Variants in FRMPD1 observed in about 807,000 individuals in gnomAD.
FRMPD1 encodes the protein FERM and PDZ domain-containing protein 1.
A neutral mutation model predicts 117.8 loss-of-function variants in FRMPD1; 76 were observed. That is an observed-to-expected ratio of 0.65 (90% CI 0.54 to 0.78). FRMPD1 has a LOEUF of 0.78. Ranked by LOEUF, FRMPD1 falls within the 30% of genes least tolerant of loss-of-function variation. FRMPD1 has a pLI of 0.00. For missense variants in FRMPD1, 1,786 were observed against 1,964.5 expected (o/e 0.91, Z 1.72); for synonymous variants, 783 against 770.4 (o/e 1.02, Z -0.27).
chr9:37,737,345 T>C (rs930790007), intron 14 of FRMPD1, 102 bp downstream of exon 14: 4 of 992,922 alleles, frequency 4.0e-6, no homozygotes, highest in African/African-American at 1.6e-5. Context: ...GAGCCGAGGC[T>C]TCAGCTCAAG....
chr9:37,678,514 G>A (rs2117901951), intron 1 of FRMPD1, among the ~76,000 whole-genome samples: 1 of 152,108 alleles, frequency 6.6e-6, no homozygotes, highest in African/African-American at 2.4e-5. Flanking sequence ...ACCTACCTCA[G>A]CCTCCCAAAG....
chr9:37,717,313 A>ATGTATGTGTGTGTG (rs1823165070), intron 5 of FRMPD1, among the ~76,000 whole-genome samples: 1 of 145,980 alleles, frequency 6.9e-6, no homozygotes, highest in African/African-American at 2.6e-5. Context: ...ATATATATAT[A>ATGTATGTGTGTGTG]TGTATGTGTG....
chr9:37,675,061 T>C (rs1456787212), intron 1 of FRMPD1, among the ~76,000 whole-genome samples: 1 of 152,104 alleles, frequency 6.6e-6, no homozygotes, highest in Non-Finnish European at 1.5e-5. Flanking sequence ...CTCTGTGGTG[T>C]GTGGAATAGA....
the FRMPD1 span, among the ~76,000 whole-genome samples, chr9:37,634,210 G>A: frequency 2.6e-5 from 4 of 151,992 alleles, no homozygotes; most frequent in Non-Finnish European, 4.4e-5. Context: ...TTCATCAATC[G>A]CCAGATTTAA....
the FRMPD1 span, among the ~76,000 whole-genome samples, chr9:37,609,089 G>A: frequency 3.9e-5 from 6 of 151,966 alleles, no homozygotes; most frequent in East Asian, 1.9e-4. Flanking sequence ...TCAGGAGTTC[G>A]AGACCAGCCT....
intron 1 of FRMPD1, among the ~76,000 whole-genome samples, chr9:37,671,921 G>A (rs1361023097): frequency 6.6e-6 from 1 of 152,156 alleles, no homozygotes; most frequent in African/African-American, 2.4e-5. Context: ...ATCTGAGATC[G>A]TGCCACTGCA....
the FRMPD1 span, among the ~76,000 whole-genome samples, chr9:37,625,705 A>G: frequency 6.6e-6 from 1 of 152,258 alleles, no homozygotes; most frequent in African/African-American, 2.4e-5. Flanking sequence ...AAGAGCATGC[A>G]GAAGAGAGAA....
chr9:37,695,790 C>T (rs1310631628), intron 2 of FRMPD1, among the ~76,000 whole-genome samples: 1 of 152,164 alleles, frequency 6.6e-6, no homozygotes. Flanking sequence ...CCTCTCTCTC[C>T]CTGGGACCCC....
At chr9:37,728,847 C>G (rs1823729700) in intron 7 of FRMPD1, among the ~76,000 whole-genome samples, 1 of 151,816 alleles carries the variant, frequency 6.6e-6, no homozygotes, top group Non-Finnish European at 1.5e-5. Context: ...CCTGTAATCC[C>G]AGCTACTTGG....
At chr9:37,668,564 A>T (rs62533869) in intron 1 of FRMPD1, 14,515 of 152,318 alleles carry the variant, frequency 0.095, 985 homozygotes, top group African/African-American at 0.19. Context: ...TTTCTTTCCG[A>T]GGAAGAGTCC....
rs1242388647 is a variant in FRMPD1, at chr9:37,744,885, C to T, written c.2853C>T (p.Asn951=). ...ISAIRFRIDP[N]NKENSGVVPA... is the part of the protein sequence containing the mutation. ...CCATTCGCTTCCGGATTGACCCCAA[C>T]AATAAAGAGAATTCTGGTGTTGTCC... The change falls in exon 16 of 16, where the codon AAC becomes AAT. Residue 951 remains asparagine, a synonymous_variant. Transcript: ENST00000377765. 1 of 1,614,184 alleles carries T rather than the reference C, an allele frequency of 6.2e-7. No homozygotes were observed. The highest frequency in any genetic ancestry group is 8.5e-7 in the Non-Finnish European group (1 of 1,180,012).
chr9:37,744,070 T>G (rs1425615359), intron 15 of FRMPD1, among the ~76,000 whole-genome samples: 3 of 151,502 alleles, frequency 2.0e-5, no homozygotes, highest in South Asian at 4.2e-4. Flanking sequence ...ATGCCTGTAA[T>G]CTCAGCTACT....
At chr9:37,632,548 GCTCT>G in the FRMPD1 span, among the ~76,000 whole-genome samples, 7 of 152,208 alleles carry the variant, frequency 4.6e-5, no homozygotes, top group East Asian at 1.2e-3. Context: ...TCGCAGGCAG[GCTCT>G]CTCTCCACAA....
chr9:37,664,039 A>G (rs1821078151), intron 1 of FRMPD1, among the ~76,000 whole-genome samples: 1 of 152,152 alleles, frequency 6.6e-6, no homozygotes, highest in Non-Finnish European at 1.5e-5. Flanking sequence ...TCAGTATGGT[A>G]CCTGGAGCAT....
At chr9:37,632,361 C>T in the FRMPD1 span, among the ~76,000 whole-genome samples, 1 of 152,152 alleles carries the variant, frequency 6.6e-6, no homozygotes, top group Non-Finnish European at 1.5e-5. Context: ...CTGTTAGTAT[C>T]AGAAAACCAA....
At chr9:37,633,842 CAG>C in the FRMPD1 span, among the ~76,000 whole-genome samples, 1 of 152,148 alleles carries the variant, frequency 6.6e-6, no homozygotes, top group Non-Finnish European at 1.5e-5. Context: ...GCCTGAGTGA[CAG>C]AGTGAGACCC....
At chr9:37,619,091 T>C in the FRMPD1 span, among the ~76,000 whole-genome samples, 4 of 152,360 alleles carry the variant, frequency 2.6e-5, no homozygotes, top group East Asian at 5.8e-4. Context: ...AAGTGACTAA[T>C]GTAAACCGAC....
At chr9:37,629,073 C>T in the FRMPD1 span, among the ~76,000 whole-genome samples, 2 of 152,158 alleles carry the variant, frequency 1.3e-5, no homozygotes, top group Non-Finnish European at 2.9e-5. Flanking sequence ...GTGGCACATG[C>T]CTGTGGTCCC....
chr9:37,698,582 G>A lies in FRMPD1; in HGVS notation c.101+5840G>A, dbSNP rs145214670. On this transcript the variant is annotated intron_variant, in intron 2 of 15. Transcript: ENST00000377765. ...TTTTTTTTTTTTTTTTTTTTTTTGA[G>A]ATATAGTTTCCCTCTGTTGCCCAGG... is the stretch of plus-strand genomic sequence containing the variant. Among the ~76,000 whole-genome samples, 32 of 61,028 alleles carry A rather than the reference G, an allele frequency of 5.2e-4. 1 individual carries two copies. Among genetic ancestry groups the A allele is most frequent in the African/African-American group, 2.1e-3 (28 of 13,242 alleles). 40.0% of individuals were successfully genotyped at this position (61,028 alleles called of 152,430 possible). A position where few individuals can be genotyped will look rare whatever the true frequency, so the allele number is the denominator to read the frequency against.
Sources: gnomAD v4.1 joint callset for allele counts (sites outside exome capture counted in the v4.1 genomes callset) on GRCh38, gnomAD v4.1.1 for gene constraint, MANE v1.5 for transcripts, NCBI Gene and HGNC (gene_info 2026-07-23, HGNC 2026-07-21) for gene names.